The following NCOA2 variants were observed in gnomAD, a reference collection of about 807,000 sequenced individuals.
The protein encoded by NCOA2 is nuclear receptor coactivator 2.
In NCOA2, 21 loss-of-function variants were observed where a neutral mutation model predicts 145.1. That is an observed-to-expected ratio of 0.14 (90% CI 0.10 to 0.21). NCOA2 has a LOEUF of 0.21. NCOA2 is among the 10% of genes least tolerant of loss of function. The pLI, the probability that NCOA2 is intolerant of heterozygous loss-of-function variation, is 1.00. For synonymous variants in NCOA2, 619 were observed against 637.5 expected, an observed-to-expected ratio of 0.97 and a Z score of 0.44; for missense variants, 1,472 against 1,837.6, an observed-to-expected ratio of 0.80 and a Z score of 3.64.
At position 70,138,211 on chromosome 8, in the gene NCOA2, G is replaced by A. The variant is rs1809965077; in HGVS notation, c.3150C>T (p.Ser1050=). ...AGGTGCTCAGGACTCACCTGTTTTGGCTGGCAAAAGACGCCTGGTCTATAG... is the reference window on the plus strand; with the variant it reads ...AGGTGCTCAGGACTCACCTGTTTTGACTGGCAAAAGACGCCTGGTCTATAG... The part of the protein sequence containing the change: ...ILPIDQASFA[S]QNRQPFGSSP... Residue 1050 remains serine, a synonymous_variant, in exon 15 of 23, where the codon AGC becomes AGT. Transcript: ENST00000452400. 6.2e-7 allele frequency: 1 copy of A among 1,612,628 alleles called. No homozygotes were observed. Among genetic ancestry groups the A allele is most frequent in the Admixed American group, 1.7e-5 (1 of 59,654 alleles).
At chr8:70,432,780 T>C in the NCOA2 span, among the ~76,000 whole-genome samples, 1,709 of 152,298 alleles carry the variant, frequency 0.011, 14 homozygotes, top group Non-Finnish European at 0.018. Flanking sequence ...TTTTTAATGG[T>C]AATTTCATGC....
chr8:70,350,981 GC>G (rs1211937093), intron 1 of NCOA2, among the ~76,000 whole-genome samples: 1 of 152,198 alleles, frequency 6.6e-6, no homozygotes, highest in African/African-American at 2.4e-5. Flanking sequence ...ACTGATGATG[GC>G]CTCTGTGCCA....
intron 1 of NCOA2, among the ~76,000 whole-genome samples, chr8:70,390,992 G>T (rs888588407): frequency 6.6e-6 from 1 of 152,134 alleles, no homozygotes; most frequent in African/African-American, 2.4e-5. Context: ...GGGAAGAGAG[G>T]GCTCTACCAC....
chr8:70,341,252 A>C (rs1808118110), intron 1 of NCOA2, among the ~76,000 whole-genome samples: 1 of 152,030 alleles, frequency 6.6e-6, no homozygotes, highest in Non-Finnish European at 1.5e-5. Flanking sequence ...GCATGGTAGC[A>C]CATGCCAGCA....
chr8:70,224,505 T>C (rs949409878), intron 2 of NCOA2, among the ~76,000 whole-genome samples: 8 of 152,050 alleles, frequency 5.3e-5, no homozygotes, highest in African/African-American at 1.4e-4. Context: ...TAATTTATCA[T>C]CTAAATAGTG....
intron 13 of NCOA2, among the ~76,000 whole-genome samples, chr8:70,141,648 T>C (rs908954705): frequency 6.6e-6 from 1 of 152,214 alleles, no homozygotes. Context: ...TGTTCCCATT[T>C]GTACTTAGAA....
At chr8:70,300,797 T>G (rs1377531566) in intron 1 of NCOA2, among the ~76,000 whole-genome samples, 1 of 152,238 alleles carries the variant, frequency 6.6e-6, no homozygotes, top group Non-Finnish European at 1.5e-5. Flanking sequence ...ATACTTTTTT[T>G]GGCTTAACAA....
the NCOA2 span, among the ~76,000 whole-genome samples, chr8:70,428,810 G>C: frequency 4.0e-5 from 6 of 151,516 alleles, no homozygotes; most frequent in African/African-American, 1.2e-4. Context: ...ATTGCTCAGC[G>C]AGCAATATGC....
At chr8:70,313,747 C>T (rs1805315190) in intron 1 of NCOA2, among the ~76,000 whole-genome samples, 1 of 152,160 alleles carries the variant, frequency 6.6e-6, no homozygotes, top group Non-Finnish European at 1.5e-5. Context: ...TTAGATATTT[C>T]AGTCACTTCC....
chr8:70,189,054 TTC>T (rs1345881735), intron 4 of NCOA2, among the ~76,000 whole-genome samples: 1 of 152,232 alleles, frequency 6.6e-6, no homozygotes, highest in Admixed American at 6.5e-5. Flanking sequence ...CTTCTTTTCT[TTC>T]TTTCTTCCTT....
At chr8:70,447,994 T>C in the NCOA2 span, among the ~76,000 whole-genome samples, 4 of 152,224 alleles carry the variant, frequency 2.6e-5, no homozygotes, top group Non-Finnish European at 5.9e-5. Context: ...CCCCGATCTG[T>C]TAATTCACCA....
chr8:70,155,930 TAC>T, intron 11 of NCOA2, 39 bp downstream of exon 11: 1 of 1,477,432 alleles, frequency 6.8e-7, no homozygotes, highest in Non-Finnish European at 9.1e-7. Flanking sequence ...CCTTGATGGA[TAC>T]AGATTAGTAC....
rs1330380226 is a variant in NCOA2 at position 70,113,149 on chromosome 8, A to T, written c.*483T>A. 4.8e-6 allele frequency: 1 copy of T among 210,374 alleles called. No individual in the cohort carries two copies. Among genetic ancestry groups the T allele is most frequent in the African/African-American group, 2.3e-5 (1 of 43,826 alleles). The allele number at this position is 210,374 out of a possible 1,614,324, so 13.0% of individuals were successfully genotyped here. ...CCAAATTCAGGCTTTAGCTTAAAAC[A>T]TCTTTAGTTTAATTTTTTAAAAAAT... On this transcript the variant is annotated 3_prime_UTR_variant, in exon 23 of 23. Transcript: ENST00000452400.
At chr8:70,452,128 C>A in the NCOA2 span, among the ~76,000 whole-genome samples, 1 of 152,102 alleles carries the variant, frequency 6.6e-6, no homozygotes, top group East Asian at 1.9e-4. Context: ...GCACATGCCA[C>A]CATTCCAGGC....
intron 4 of NCOA2, among the ~76,000 whole-genome samples, chr8:70,204,564 G>A (rs1181583669): frequency 6.6e-6 from 1 of 152,146 alleles, no homozygotes; most frequent in Non-Finnish European, 1.5e-5. Flanking sequence ...TAATACAAAT[G>A]TTATGTTCTT....
At chr8:70,285,812 A>G (rs754168520) in intron 2 of NCOA2, among the ~76,000 whole-genome samples, 7 of 152,214 alleles carry the variant, frequency 4.6e-5, no homozygotes, top group Non-Finnish European at 1.0e-4. Context: ...AATGAAAAAC[A>G]AATCAGGGCT....
intron 4 of NCOA2, among the ~76,000 whole-genome samples, chr8:70,187,197 T>A (rs1563588165): frequency 6.6e-6 from 1 of 152,104 alleles, no homozygotes; most frequent in East Asian, 1.9e-4. Context: ...AGCACAAGTG[T>A]GAAAGAGAGG....
intron 21 of NCOA2, among the ~76,000 whole-genome samples, chr8:70,123,449 G>C (rs751609074): frequency 1.3e-5 from 2 of 152,100 alleles, no homozygotes; most frequent in African/African-American, 4.8e-5. Context: ...GCCGGGAGAC[G>C]GATGTTGCAG....
chr8:70,343,945 G>A (rs1032930465), intron 1 of NCOA2, among the ~76,000 whole-genome samples: 1 of 152,124 alleles, frequency 6.6e-6, no homozygotes, highest in African/African-American at 2.4e-5. Context: ...TGTGAACAAT[G>A]TCATAAATGA....
Sources: gnomAD v4.1 joint callset for allele counts (sites outside exome capture counted in the v4.1 genomes callset) on GRCh38, gnomAD v4.1.1 for gene constraint, MANE v1.5 for transcripts, NCBI Gene and HGNC (gene_info 2026-07-23, HGNC 2026-07-21) for gene names.